The following NOS1AP variants were observed in gnomAD, a reference collection of about 807,000 sequenced individuals.
NOS1AP encodes the protein nitric oxide synthase 1 adaptor protein, also known as carboxyl-terminal PDZ ligand of neuronal nitric oxide synthase protein.
NOS1AP carries 21 observed loss-of-function variants against 56.2 expected under a neutral mutation model. The observed-to-expected ratio is 0.37, with a 90% confidence interval of 0.26 to 0.54. The LOEUF is 0.54. NOS1AP is among the 20% of genes least tolerant of loss of function. The probability of loss-of-function intolerance (pLI) is 0.84; values close to 1 mark genes in which losing one functional copy is unlikely to be tolerated. For missense variants in NOS1AP, 522 were observed against 657.8 expected (o/e 0.79, Z 2.26); for synonymous variants, 270 against 274.6 (o/e 0.98, Z 0.17).
Position 162,070,132 on chromosome 1 carries a change from T to A in NOS1AP, c.-46T>A, listed in dbSNP as rs1190122297. 3.9e-6 allele frequency: 6 copies of A among 1,520,756 alleles called. No individual in the cohort carries two copies. The highest frequency in any genetic ancestry group is 4.6e-6 in the Non-Finnish European group (5 of 1,096,274). 94.2% of individuals were successfully genotyped at this position (1,520,756 alleles called of 1,614,324 possible). A position where few individuals can be genotyped will look rare whatever the true frequency, so the allele number is the denominator to read the frequency against. ...CCTCCCCGGGGTCTCGCCAGCCCCT[T>A]CCTGCAGCCGCCGCCTCCGAAGGAG... On this transcript the variant is annotated 5_prime_UTR_variant, in exon 1 of 10. Coordinates refer to ENST00000361897, the MANE Select transcript of NOS1AP (RefSeq NM_014697.3).
In NOS1AP at chr1:162,357,807, G is replaced by A. The variant is rs1051082324; in HGVS notation, c.939+671G>A. Among the ~76,000 whole-genome samples, 3 of 151,750 alleles carry A rather than the reference G, an allele frequency of 2.0e-5. 1 individual carries two copies. The highest frequency in any genetic ancestry group is 4.4e-5 in the Non-Finnish European group (3 of 67,876). ...CGGGGGCTGCTACATTATAGGGGAG[G>A]GTGAGCTGATTTCCCTTGCTGCTTT... On this transcript the variant is annotated intron_variant, in intron 8 of 9. Transcript: ENST00000361897.
chr1:162,226,753 C>T (rs1652956690), intron 2 of NOS1AP, among the ~76,000 whole-genome samples: 1 of 152,182 alleles, frequency 6.6e-6, no homozygotes. Context: ...TTCCTAAGCT[C>T]TGCTGCTAGT....
At chr1:162,196,802 G>A (rs1375149449) in intron 2 of NOS1AP, among the ~76,000 whole-genome samples, 3 of 152,170 alleles carry the variant, frequency 2.0e-5, no homozygotes, top group Non-Finnish European at 2.9e-5. Flanking sequence ...TGCTTGGGGG[G>A]AACAGACTGC....
intron 2 of NOS1AP, among the ~76,000 whole-genome samples, chr1:162,187,838 T>G (rs1216761809): frequency 6.6e-6 from 1 of 152,138 alleles, no homozygotes; most frequent in Admixed American, 6.6e-5. Context: ...TGATTAAAAA[T>G]TTCCTGTGTC....
At chr1:162,357,634 G>A (rs1657745876) in intron 8 of NOS1AP, among the ~76,000 whole-genome samples, 1 of 149,168 alleles carries the variant, frequency 6.7e-6, no homozygotes, top group African/African-American at 2.4e-5. Context: ...CCTTCATTAC[G>A]ATCTACTTAT....
At chr1:162,254,847 A>T (rs1474353435) in intron 2 of NOS1AP, among the ~76,000 whole-genome samples, 1 of 152,150 alleles carries the variant, frequency 6.6e-6, no homozygotes, top group Admixed American at 6.5e-5. Context: ...GATAAGAAAG[A>T]TTGAGGCTTA....
intron 1 of NOS1AP, among the ~76,000 whole-genome samples, chr1:162,138,542 G>T (rs545575767): frequency 2.0e-5 from 3 of 152,312 alleles, no homozygotes; most frequent in Admixed American, 2.0e-4. Flanking sequence ...GGGAGAAGCT[G>T]GTGAGGCCAA....
chr1:162,120,922 G>C (rs1648186556), intron 1 of NOS1AP, among the ~76,000 whole-genome samples: 1 of 151,990 alleles, frequency 6.6e-6, no homozygotes, highest in South Asian at 2.1e-4. Context: ...ATCTCTTTTG[G>C]ATATGGGTTC....
chr1:162,355,479 C>T (rs530993365), intron 7 of NOS1AP, 126 bp downstream of exon 7: 58 of 1,182,828 alleles, frequency 4.9e-5, no homozygotes, highest in African/African-American at 2.7e-4. Flanking sequence ...GGTGCCAGAG[C>T]GCACTTCATT....
At chr1:162,244,621 AT>A (rs1557846662) in intron 2 of NOS1AP, among the ~76,000 whole-genome samples, 1 of 152,150 alleles carries the variant, frequency 6.6e-6, no homozygotes, top group African/African-American at 2.4e-5. Flanking sequence ...ATTATACTAT[AT>A]TGCTTTATCT....
chr1:162,169,520 A>G (rs1557816011), intron 2 of NOS1AP, among the ~76,000 whole-genome samples: 1 of 152,198 alleles, frequency 6.6e-6, no homozygotes, highest in African/African-American at 2.4e-5. Context: ...GCACTCAGAC[A>G]GCTGCTTTAA....
At chr1:162,300,926 T>A (rs915416434) in intron 4 of NOS1AP, among the ~76,000 whole-genome samples, 5 of 152,200 alleles carry the variant, frequency 3.3e-5, no homozygotes, top group African/African-American at 1.2e-4. Context: ...GAAGTATATC[T>A]GCTTGATGTT....
chr1:162,324,416 C>CTTTTTTTTTTT lies in NOS1AP; in HGVS notation c.345-8583_345-8573dup, dbSNP rs35946766. ...TAGTGGTTTTGTGAGGGACACTAGC[C>CTTTTTTTTTTT]TTTTTTTTTTTTTTTTTTTTTTTTT... On this transcript the variant is annotated intron_variant, in intron 4 of 9. Coordinates refer to ENST00000361897, the MANE Select transcript of NOS1AP (RefSeq NM_014697.3). 1.1e-3 allele frequency among the ~76,000 whole-genome samples: 79 copies of CTTTTTTTTTTT among 72,140 alleles called. 13 individuals are homozygous for CTTTTTTTTTTT. Among genetic ancestry groups the CTTTTTTTTTTT allele is most frequent in the African/African-American group, 1.8e-3 (36 of 20,246 alleles). The allele number at this position is 72,140 out of a possible 152,430, so 47.3% of individuals were successfully genotyped here.
At chr1:162,167,120 T>C (rs1650538145) in intron 2 of NOS1AP, among the ~76,000 whole-genome samples, 2 of 152,210 alleles carry the variant, frequency 1.3e-5, no homozygotes, top group African/African-American at 4.8e-5. Flanking sequence ...TCTGCCTCCC[T>C]GGAGAGGCAT....
chr1:162,201,902 C>T (rs528705754), intron 2 of NOS1AP, among the ~76,000 whole-genome samples: 1 of 152,316 alleles, frequency 6.6e-6, no homozygotes, highest in Non-Finnish European at 1.5e-5. Context: ...TATAGGTTGT[C>T]TGTTTACTTT....
intron 1 of NOS1AP, among the ~76,000 whole-genome samples, chr1:162,092,269 T>C (rs2102023666): frequency 6.6e-6 from 1 of 152,272 alleles, no homozygotes; most frequent in Non-Finnish European, 1.5e-5. Context: ...TTTCAGCTAG[T>C]GGATTTTCTT....
At chr1:162,331,180 GGGGACT>G (rs1410734333) in intron 4 of NOS1AP, among the ~76,000 whole-genome samples, 1 of 152,128 alleles carries the variant, frequency 6.6e-6, no homozygotes, top group Non-Finnish European at 1.5e-5. Context: ...TAGAAGGATA[GGGGACT>G]GGAAACCACA....
intron 1 of NOS1AP, among the ~76,000 whole-genome samples, chr1:162,101,785 G>T (rs1647281781): frequency 2.0e-5 from 3 of 152,076 alleles, no homozygotes; most frequent in South Asian, 4.2e-4. Flanking sequence ...TTTGCACATG[G>T]ATTTTGTATC....
chr1:162,127,984 A>G (rs1052027758), intron 1 of NOS1AP, among the ~76,000 whole-genome samples: 1 of 152,134 alleles, frequency 6.6e-6, no homozygotes, highest in Non-Finnish European at 1.5e-5. Context: ...TTGTTTTGCT[A>G]TGCTTTTACA....
Sources: gnomAD v4.1 joint callset for allele counts (sites outside exome capture counted in the v4.1 genomes callset) on GRCh38, gnomAD v4.1.1 for gene constraint, MANE v1.5 for transcripts, NCBI Gene and HGNC (gene_info 2026-07-23, HGNC 2026-07-21) for gene names.